The following LIN52 variants were observed in gnomAD, a reference collection of about 807,000 sequenced individuals.
LIN52 encodes the protein protein lin-52 homolog.
Under a neutral mutation model 18.5 loss-of-function variants are expected in LIN52, and 4 were observed. The observed-to-expected ratio is 0.22, with a 90% CI of 0.11 to 0.49. LIN52 has a LOEUF of 0.49. Ranked by LOEUF, LIN52 falls within the 20% of genes least tolerant of loss-of-function variation. The pLI, the probability that LIN52 is intolerant of heterozygous loss-of-function variation, is 0.97. For synonymous variants in LIN52, 34 were observed against 45.5 expected (o/e 0.75, Z 1.02); for missense variants, 102 against 139.5 (o/e 0.73, Z 1.35).
At chr14:74,161,990 C>T (rs888319918) in intron 5 of LIN52, among the ~76,000 whole-genome samples, 5 of 152,100 alleles carry the variant, frequency 3.3e-5, no homozygotes, top group Admixed American at 1.3e-4. Context: ...TCCAGTATCA[C>T]AAAGCAGGGC....
chr14:74,091,190 G>C lies in LIN52; in HGVS notation c.20-42G>C. ...AGATTGAAGTATCATATACATTAAT[G>C]TGTTTCCTGTCTTCTTGGTTCATCT... On this transcript the variant is annotated intron_variant, in intron 1 of 5. Transcript: ENST00000555028. 4 of 1,379,766 alleles carry C rather than the reference G, an allele frequency of 2.9e-6. No homozygotes were observed. In the East Asian group the frequency reaches 9.2e-5, roughly 32 times the overall value. The allele number at this position is 1,379,766 out of a possible 1,614,324, so 85.5% of individuals were successfully genotyped here.
intron 2 of LIN52, among the ~76,000 whole-genome samples, chr14:74,093,430 A>G (rs1409659148): frequency 2.0e-5 from 3 of 150,746 alleles, no homozygotes; most frequent in South Asian, 2.1e-4. Context: ...GGTTCAAGCA[A>G]TTCTCCTGCC....
chr14:74,140,412 T>C (rs2061123118), intron 5 of LIN52, among the ~76,000 whole-genome samples: 1 of 152,226 alleles, frequency 6.6e-6, no homozygotes, highest in Non-Finnish European at 1.5e-5. Flanking sequence ...TATGACAATA[T>C]CTTTTGCTGC....
chr14:74,114,628 T>C (rs898898231), intron 5 of LIN52, among the ~76,000 whole-genome samples: 2 of 152,186 alleles, frequency 1.3e-5, no homozygotes, highest in Non-Finnish European at 2.9e-5. Context: ...CACATAATTC[T>C]TTTACTTGCT....
chr14:74,166,792 A>C (rs1303553373), intron 5 of LIN52, among the ~76,000 whole-genome samples: 1 of 152,170 alleles, frequency 6.6e-6, no homozygotes, highest in African/African-American at 2.4e-5. Context: ...GGAAAAAATA[A>C]AATTCTATGC....
In LIN52 at chr14:74,193,417, T is replaced by TA. The variant is rs34984934; in HGVS notation, c.284-5491dup. Among the ~76,000 whole-genome samples, 566 of 147,776 alleles carry TA rather than the reference T, an allele frequency of 3.8e-3. 5 individuals carry two copies. The highest frequency in any genetic ancestry group is 0.011 in the African/African-American group (451 of 40,064). On this transcript the variant is annotated intron_variant, in intron 5 of 5. Coordinates refer to ENST00000555028, the MANE Select transcript of LIN52 (RefSeq NM_001024674.3). ...TGACAGAACGAGACCTTGTCTCTTA[T>TA]AAAAAAAAAAAAAATCCTTCCATAC...
intron 1 of LIN52, chr14:74,085,729 C>T (rs553197422): frequency 4.6e-5 from 7 of 152,220 alleles, no homozygotes; most frequent in Non-Finnish European, 8.8e-5. Context: ...TGGTATACTC[C>T]CATGCTTTTC....
chr14:74,175,145 G>A (rs965663393), intron 5 of LIN52, among the ~76,000 whole-genome samples: 2 of 151,830 alleles, frequency 1.3e-5, no homozygotes, highest in African/African-American at 4.8e-5. Flanking sequence ...GAAAGCCTAG[G>A]ACATTACACT....
intron 5 of LIN52, among the ~76,000 whole-genome samples, chr14:74,124,019 A>G (rs1439988620): frequency 6.6e-6 from 1 of 152,162 alleles, no homozygotes; most frequent in Non-Finnish European, 1.5e-5. Flanking sequence ...AATGCTTAGT[A>G]TGAGTCTTCA....
At chr14:74,094,258 G>GT (rs34744239) in intron 2 of LIN52, among the ~76,000 whole-genome samples, 32,568 of 144,050 alleles carry the variant, frequency 0.23, 3,844 homozygotes, top group South Asian at 0.46. Flanking sequence ...CTACTTTGTA[G>GT]TTTTTTTTTT....
chr14:74,153,611 C>G (rs2061186316), intron 5 of LIN52, among the ~76,000 whole-genome samples: 1 of 150,778 alleles, frequency 6.6e-6, no homozygotes, highest in Admixed American at 6.6e-5. Flanking sequence ...GTGGCGCAAT[C>G]TTGGCTCACT....
intron 5 of LIN52, among the ~76,000 whole-genome samples, chr14:74,134,089 A>G (rs530587738): frequency 3.5e-4 from 54 of 152,352 alleles, no homozygotes; most frequent in African/African-American, 1.2e-3. Context: ...ATTTATCCCT[A>G]GTCAGCTCTT....
chr14:74,103,784 T>C (rs1190950865), intron 5 of LIN52, among the ~76,000 whole-genome samples: 1 of 144,464 alleles, frequency 6.9e-6, no homozygotes, highest in East Asian at 2.1e-4. Flanking sequence ...GACTGGGTTT[T>C]TCTATGTTGC....
intron 2 of LIN52, among the ~76,000 whole-genome samples, chr14:74,092,327 C>T (rs1460603361): frequency 3.4e-5 from 5 of 146,926 alleles, no homozygotes; most frequent in Non-Finnish European, 6.0e-5. Context: ...TTTTTTTAGA[C>T]GGAGTTTCGC....
chr14:74,135,218 C>A (rs938522842), intron 5 of LIN52, among the ~76,000 whole-genome samples: 1 of 152,162 alleles, frequency 6.6e-6, no homozygotes, highest in African/African-American at 2.4e-5. Context: ...TCGCGTACCA[C>A]CACGCCTGGC....
At chr14:74,169,518 A>G (rs1430763164) in intron 5 of LIN52, among the ~76,000 whole-genome samples, 1 of 152,172 alleles carries the variant, frequency 6.6e-6, no homozygotes, top group Non-Finnish European at 1.5e-5. Flanking sequence ...TTCCAGTGGA[A>G]GGGATCTCAT....
rs149183616 is a variant in LIN52, at chr14:74,164,384, A to G, written c.284-34538A>G. ...ACTGCAACCTCTGTCTCCTGGGTTCAAGGGATTCTCCCATCTCAGCCTCCT... is the reference window on the plus strand; with the variant it reads ...ACTGCAACCTCTGTCTCCTGGGTTCGAGGGATTCTCCCATCTCAGCCTCCT... On this transcript the variant is annotated intron_variant, in intron 5 of 5. Coordinates refer to ENST00000555028, the MANE Select transcript of LIN52 (RefSeq NM_001024674.3). Among the ~76,000 whole-genome samples the G allele has an allele frequency of 4.8e-4, 73 of 151,650 alleles. 1 individual carries two copies. The East Asian group carries it at 0.011, about 23-fold the overall frequency.
At chr14:74,124,097 C>T in intron 5 of LIN52, among the ~76,000 whole-genome samples, 1 of 151,846 alleles carries the variant, frequency 6.6e-6, no homozygotes, top group African/African-American at 2.4e-5. Flanking sequence ...GGACTTTATT[C>T]ATTTCCAAAT....
At chr14:74,145,836 C>CA (rs1165951414) in intron 5 of LIN52, among the ~76,000 whole-genome samples, 15 of 152,268 alleles carry the variant, frequency 9.9e-5, no homozygotes, top group Non-Finnish European at 1.9e-4. Flanking sequence ...GAAACCAGTC[C>CA]AAAACACCTT....
Sources: gnomAD v4.1 joint callset for allele counts (sites outside exome capture counted in the v4.1 genomes callset) on GRCh38, gnomAD v4.1.1 for gene constraint, MANE v1.5 for transcripts, NCBI Gene and HGNC (gene_info 2026-07-23, HGNC 2026-07-21) for gene names.